The following WASHC2C variants were observed in gnomAD, a reference collection of about 807,000 sequenced individuals.
WASHC2C encodes the protein WASH complex subunit 2C, also known as Vaccinia Penetration Factor.
WASHC2C carries 73 observed loss-of-function variants against 142.2 expected under a neutral mutation model. The ratio of observed to expected loss-of-function variants is 0.51; its 90% confidence interval spans 0.43 to 0.62. WASHC2C has a LOEUF of 0.62. WASHC2C is among the 20% of genes least tolerant of loss of function. WASHC2C has a pLI of 0.00. For synonymous variants in WASHC2C, 337 were observed against 565.5 expected (o/e 0.60, Z 5.73); for missense variants, 969 against 1,531.7 (o/e 0.63, Z 6.13).
In WASHC2C at chr10:45,787,210, T is replaced by A; in HGVS notation, c.3050T>A (p.Leu1017His). The change falls in exon 28 of 31, where the codon CTT (leucine) becomes CAT (histidine). Residue 1017 changes from leucine to histidine, a missense_variant. By Grantham distance (99) the Leu-to-His change is moderately conservative (BLOSUM62 -3). Transcript: ENST00000623400. The part of the protein sequence containing the change: ...GSGEAGVSFD[L>H]PAQADTLHSA... ...GGGGAGGCCGGTGTGAGTTTTGATC[T>A]TCCAGCTCAGGCAGACACCTTACAC... The A allele has an allele frequency of 1.3e-6, 2 of 1,530,948 alleles. No individual in the cohort carries two copies. Among genetic ancestry groups the A allele is most frequent in the Non-Finnish European group, 1.8e-6 (2 of 1,127,678 alleles). 94.8% of individuals were successfully genotyped at this position (1,530,948 alleles called of 1,614,324 possible). A position where few individuals can be genotyped will look rare whatever the true frequency, so the allele number is the denominator to read the frequency against.
rs1476211843 is a variant in WASHC2C, at chr10:45,785,714, T to C, written c.2811+83T>C. 8.7e-6 allele frequency: 14 copies of C among 1,608,398 alleles called. No homozygotes were observed. The East Asian group carries it at 1.3e-4, about 15-fold the overall frequency. On this transcript the variant is annotated intron_variant, in intron 26 of 30. Coordinates refer to ENST00000623400, the MANE Select transcript of WASHC2C (RefSeq NM_001330074.2). ...TCCATTATGCAGACCCACAGTTATT[T>C]AGACTTGTCTGCATTAAGGAGGAAA...
At chr10:45,746,697 A>G in intron 8 of WASHC2C, 50 bp downstream of exon 8, 3 of 1,597,534 alleles carry the variant, frequency 1.9e-6, no homozygotes, top group Non-Finnish European at 2.6e-6. Context: ...TAATTGAAGC[A>G]TAGTATATAT....
At chr10:45,729,636 AGGAAG>A (rs2050304680) in intron 3 of WASHC2C, among the ~76,000 whole-genome samples, 1 of 151,512 alleles carries the variant, frequency 6.6e-6, no homozygotes, top group Admixed American at 6.6e-5. Context: ...CAGCATACAA[AGGAAG>A]TAAGTATGGC....
At chr10:45,776,337 C>T (rs2057080043) in intron 21 of WASHC2C, among the ~76,000 whole-genome samples, 2 of 152,242 alleles carry the variant, frequency 1.3e-5, no homozygotes, top group African/African-American at 4.8e-5. Context: ...TTTTCTCAAG[C>T]ACTTGTTGAT....
chr10:45,758,521 C>T (rs2610447), intron 16 of WASHC2C, among the ~76,000 whole-genome samples: 19 of 152,048 alleles, frequency 1.2e-4, no homozygotes, highest in East Asian at 9.6e-4. Context: ...TTTCTCTCCC[C>T]CTCCTTCCCC....
In WASHC2C at chr10:45,727,428, G is replaced by A. The variant is rs762440133; in HGVS notation, c.15G>A (p.Thr5=). The change falls in exon 2 of 31, where the codon ACG becomes ACA. Residue 5 remains threonine (T), a synonymous_variant. Coordinates refer to ENST00000623400, the MANE Select transcript of WASHC2C (RefSeq NM_001330074.2). The stretch of plus-strand genomic sequence containing the variant: ...TTTTTTCGCTGCAGATGAACCGGAC[G>A]ACCCCCGACCAGGAGCTGGTGCCGG... MMNR[T]TPDQELVPAS... 1.2e-6 allele frequency: 2 copies of A among 1,611,434 alleles called. No individual in the cohort carries two copies. Among genetic ancestry groups the A allele is most frequent in the Admixed American group, 1.7e-5 (1 of 59,944 alleles).
chr10:45,735,228 CTTAT>C (rs1203836174), intron 3 of WASHC2C, among the ~76,000 whole-genome samples: 3 of 151,462 alleles, frequency 2.0e-5, no homozygotes, highest in Middle Eastern at 3.4e-3. Flanking sequence ...TTATCTTTTA[CTTAT>C]TTATTTATTT....
At chr10:45,766,241 G>A (rs1184815722) in intron 19 of WASHC2C, among the ~76,000 whole-genome samples, 9 of 152,288 alleles carry the variant, frequency 5.9e-5, no homozygotes, top group Non-Finnish European at 1.0e-4. Context: ...ATTTTATGCA[G>A]TCTGATGAAG....
intron 6 of WASHC2C, among the ~76,000 whole-genome samples, 160 bp from the exon 7 acceptor site, chr10:45,744,661 T>C (rs1352194080): frequency 4.0e-4 from 61 of 150,958 alleles, no homozygotes; most frequent in Non-Finnish European, 8.0e-4. Context: ...TACATAAATA[T>C]GTAATTCCTC....
At chr10:45,780,418 C>T (rs2135570565) in intron 23 of WASHC2C, among the ~76,000 whole-genome samples, 1 of 151,782 alleles carries the variant, frequency 6.6e-6, no homozygotes, top group African/African-American at 2.4e-5. Context: ...TGAAAGACTG[C>T]ATGCTTTTCA....
At chr10:45,737,844 C>T in intron 3 of WASHC2C, 139 bp from the exon 4 acceptor site, 2 of 1,580,592 alleles carry the variant, frequency 1.3e-6, no homozygotes, top group South Asian at 1.1e-5. Flanking sequence ...GGACACCCAC[C>T]TGGTAGTGGT....
Position 45,785,503 on chromosome 10 carries a change from T to C in WASHC2C, c.2689-6T>C, listed in dbSNP as rs781827335. On this transcript the variant is annotated splice_region_variant and splice_polypyrimidine_tract_variant and intron_variant, in intron 25 of 30. Transcript: ENST00000623400. ...ATGCCTTTTTGGTATTTTTTTTCTT[T>C]TGAAGGTACAAGAGAAAAAGAGAGT... The C allele has an allele frequency of 1.2e-6, 2 of 1,612,614 alleles. No homozygotes were observed. Among genetic ancestry groups the C allele is most frequent in the Non-Finnish European group, 1.7e-6 (2 of 1,179,618 alleles).
intron 5 of WASHC2C, among the ~76,000 whole-genome samples, chr10:45,743,030 A>G (rs1263659573): frequency 1.5e-3 from 223 of 151,630 alleles, no homozygotes; most frequent in Non-Finnish European, 2.5e-3. Flanking sequence ...ACCCGCCACC[A>G]TGTCCCGCTA....
chr10:45,756,725 C>T (rs1554877367), intron 15 of WASHC2C, among the ~76,000 whole-genome samples: 3 of 152,272 alleles, frequency 2.0e-5, no homozygotes, highest in Non-Finnish European at 2.9e-5. Context: ...CTCTCTTCAC[C>T]TTGTAAGCCA....
chr10:45,749,718 C>T lies in WASHC2C; in HGVS notation c.733-378C>T, dbSNP rs566009692. 3.3e-5 allele frequency among the ~76,000 whole-genome samples: 5 copies of T among 149,566 alleles called. No individual in the cohort carries two copies. In the South Asian group the frequency reaches 1.1e-3, roughly 32 times the overall value. On this transcript the variant is annotated intron_variant, in intron 8 of 30. Transcript: ENST00000623400. Reference sequence around the variant, plus strand: ...GTGCATGCGTGTAATCCCAGCTACTCGGAAGGCCGAGGCAGGAGAATAGCA... The same window carrying T: ...GTGCATGCGTGTAATCCCAGCTACTTGGAAGGCCGAGGCAGGAGAATAGCA...
chr10:45,758,532 G>A (rs558613482), intron 16 of WASHC2C, among the ~76,000 whole-genome samples: 2 of 151,048 alleles, frequency 1.3e-5, no homozygotes, highest in South Asian at 2.1e-4. Flanking sequence ...CTCCTTCCCC[G>A]ATTTTTAGTA....
chr10:45,729,406 C>T (rs1554861452), intron 3 of WASHC2C, among the ~76,000 whole-genome samples: 1 of 152,158 alleles, frequency 6.6e-6, no homozygotes, highest in African/African-American at 2.4e-5. Context: ...TGATTGGGGT[C>T]ATTCTGTTCT....
At chr10:45,747,428 G>A (rs1353197595) in intron 8 of WASHC2C, among the ~76,000 whole-genome samples, 1 of 152,142 alleles carries the variant, frequency 6.6e-6, no homozygotes, top group Non-Finnish European at 1.5e-5. Context: ...ACAGGCGTGA[G>A]CCACCATGCC....
intron 4 of WASHC2C, among the ~76,000 whole-genome samples, chr10:45,739,505 C>G (rs1237123468): frequency 3.3e-5 from 5 of 151,612 alleles, no homozygotes; most frequent in African/African-American, 1.2e-4. Context: ...AACCTTTTTT[C>G]TTGAATGGGG....
Sources: gnomAD v4.1 joint callset for allele counts (sites outside exome capture counted in the v4.1 genomes callset) on GRCh38, gnomAD v4.1.1 for gene constraint, MANE v1.5 for transcripts, NCBI Gene and HGNC (gene_info 2026-07-23, HGNC 2026-07-21) for gene names.